PPFIA2: variants seen among roughly 807,000 people sequenced by gnomAD.
The protein encoded by PPFIA2 is liprin-alpha-2.
Under a neutral mutation model 175.5 loss-of-function variants are expected in PPFIA2, and 46 were observed. The ratio of observed to expected loss-of-function variants is 0.26; its 90% CI spans 0.21 to 0.34. The LOEUF is 0.34. PPFIA2 is among the 10% of genes least tolerant of loss of function. The pLI is 1.00. For synonymous variants in PPFIA2, 568 were observed against 511.4 expected (o/e 1.11, Z -1.49); for missense variants, 1,179 against 1,506.1 (o/e 0.78, Z 3.60).
At position 81,445,672 on chromosome 12, in the gene PPFIA2, G is replaced by C; in HGVS notation, c.454C>G (p.Leu152Val). Residue 152 changes from leucine (L) to valine (V), a missense_variant, in exon 6 of 33, where the codon CTA becomes GTA. Physicochemically the swap from Leu to Val is conservative, Grantham distance 32 (BLOSUM62 1). This residue lies in a region of PPFIA2 where 49 missense variants were observed against 108.9 expected (regional missense o/e 0.45). Transcript: ENST00000549396. The part of the protein sequence containing the change: ...ECLVSRHERS[L>V]RMTVVKRQAQ... ...TGCCGTTTTACCACCGTCATTCTTA[G>C]TGATCTTTCATGTCGTGACACAAGG... is the stretch of plus-strand genomic sequence containing the variant. 1 of 1,613,828 alleles carries C rather than the reference G, an allele frequency of 6.2e-7. No individual in the cohort carries two copies. The highest frequency in any genetic ancestry group is 1.1e-5 in the South Asian group (1 of 91,058).
At chr12:81,529,759 A>T (rs535069230) in intron 4 of PPFIA2, among the ~76,000 whole-genome samples, 2 of 152,056 alleles carry the variant, frequency 1.3e-5, no homozygotes, top group African/African-American at 4.8e-5. Flanking sequence ...GGTGCTAAAT[A>T]TGTTTTTTAC....
In PPFIA2 at chr12:81,385,502, T is replaced by C. The variant is rs1463535519; in HGVS notation, c.763-1258A>G. Among the ~76,000 whole-genome samples the C allele has an allele frequency of 2.0e-5, 3 of 152,138 alleles. 1 individual carries two copies. The highest frequency in any genetic ancestry group is 3.9e-4 in the East Asian group (2 of 5,180). On this transcript the variant is annotated intron_variant, in intron 8 of 32. Coordinates refer to ENST00000549396, the MANE Select transcript of PPFIA2 (RefSeq NM_003625.5). ...TGGATAAAAGCGAGTGTGGCATACA[T>C]ACACAATGAAATCCTATTCAGTTTC... is the stretch of plus-strand genomic sequence containing the variant.
chr12:81,429,379 T>C (rs2047705705), intron 7 of PPFIA2, among the ~76,000 whole-genome samples: 1 of 152,068 alleles, frequency 6.6e-6, no homozygotes, highest in Non-Finnish European at 1.5e-5. Flanking sequence ...TGGAGCTTTC[T>C]ACTCACAGAT....
chr12:81,595,981 C>T (rs1471561447), intron 4 of PPFIA2, among the ~76,000 whole-genome samples: 1 of 152,094 alleles, frequency 6.6e-6, no homozygotes, highest in Non-Finnish European at 1.5e-5. Context: ...ACATTTGCAC[C>T]ATTTCATAAT....
At chr12:81,454,255 A>G (rs2053192054) in intron 5 of PPFIA2, among the ~76,000 whole-genome samples, 1 of 152,066 alleles carries the variant, frequency 6.6e-6, no homozygotes, top group South Asian at 2.1e-4. Context: ...ATTTGAACAA[A>G]CTGTATTCTT....
intron 4 of PPFIA2, among the ~76,000 whole-genome samples, chr12:81,655,595 C>T (rs541352573): frequency 6.6e-6 from 1 of 151,852 alleles, no homozygotes; most frequent in East Asian, 1.9e-4. Flanking sequence ...AATTTTAGCA[C>T]TTTTTAGTTA....
At chr12:81,432,339 C>T (rs572005357) in intron 7 of PPFIA2, among the ~76,000 whole-genome samples, 12 of 152,166 alleles carry the variant, frequency 7.9e-5, no homozygotes, top group African/African-American at 2.2e-4. Flanking sequence ...TGAGTTCAAG[C>T]GACCCTCCTG....
At chr12:81,611,611 A>G (rs1235460384) in intron 4 of PPFIA2, among the ~76,000 whole-genome samples, 1 of 152,082 alleles carries the variant, frequency 6.6e-6, no homozygotes, top group African/African-American at 2.4e-5. Flanking sequence ...AGGGGACAGC[A>G]TGTGGAAGGG....
In PPFIA2 at chr12:81,304,729, C is replaced by T. The variant is rs112804135; in HGVS notation, c.2643-5347G>A. ...TGTGACTGGAGTGAATTGAAGGACA[C>T]GGGAGTTGGTGGTGGAGGAAGATGA... On this transcript the variant is annotated intron_variant, in intron 22 of 32. Transcript: ENST00000549396. Among the ~76,000 whole-genome samples, 388 of 151,844 alleles carry T rather than the reference C, an allele frequency of 2.6e-3. 1 individual carries two copies. Among genetic ancestry groups the T allele is most frequent in the African/African-American group, 8.6e-3 (356 of 41,396 alleles).
intron 4 of PPFIA2, among the ~76,000 whole-genome samples, chr12:81,645,510 A>G (rs2065938879): frequency 1.3e-5 from 2 of 152,244 alleles, no homozygotes; most frequent in African/African-American, 2.4e-5. Context: ...CTTCGGATGT[A>G]AAAAGTGTGA....
chr12:81,559,646 T>G (rs954816531), intron 4 of PPFIA2, among the ~76,000 whole-genome samples: 1 of 152,290 alleles, frequency 6.6e-6, no homozygotes, highest in Admixed American at 6.5e-5. Flanking sequence ...CAATTGCTAT[T>G]GTGTCAAGGA....
intron 4 of PPFIA2, among the ~76,000 whole-genome samples, chr12:81,463,988 C>A (rs2055120966): frequency 1.3e-5 from 2 of 152,198 alleles, no homozygotes; most frequent in South Asian, 2.1e-4. Flanking sequence ...TACATAAAAT[C>A]TAAAGCTCTT....
chr12:81,626,432 T>G (rs1183913815), intron 4 of PPFIA2, among the ~76,000 whole-genome samples: 1 of 151,994 alleles, frequency 6.6e-6, no homozygotes, highest in East Asian at 1.9e-4. Context: ...GATCCAATAT[T>G]ATTAAAACCT....
At chr12:81,591,226 G>T (rs1316284925) in intron 4 of PPFIA2, among the ~76,000 whole-genome samples, 1 of 152,186 alleles carries the variant, frequency 6.6e-6, no homozygotes, top group African/African-American at 2.4e-5. Context: ...ACTTGAGAGA[G>T]ATGATTTAGG....
chr12:81,737,559 C>T (rs2081770349), intron 3 of PPFIA2, among the ~76,000 whole-genome samples: 1 of 151,872 alleles, frequency 6.6e-6, no homozygotes, highest in African/African-American at 2.4e-5. Flanking sequence ...CATGATATAA[C>T]TTGACAAAAA....
At chr12:81,349,280 T>C (rs1195433054) in intron 17 of PPFIA2, among the ~76,000 whole-genome samples, 1 of 152,220 alleles carries the variant, frequency 6.6e-6, no homozygotes, top group Non-Finnish European at 1.5e-5. Flanking sequence ...GTGATTTTAA[T>C]AGGCTGTTTA....
At chr12:81,300,329 C>T (rs1039993540) in intron 22 of PPFIA2, among the ~76,000 whole-genome samples, 1 of 151,968 alleles carries the variant, frequency 6.6e-6, no homozygotes, top group African/African-American at 2.4e-5. Flanking sequence ...ATAATAATTG[C>T]TTTATTTTGA....
intron 22 of PPFIA2, among the ~76,000 whole-genome samples, chr12:81,310,513 A>G (rs1387057707): frequency 6.6e-6 from 1 of 152,140 alleles, no homozygotes; most frequent in African/African-American, 2.4e-5. Flanking sequence ...TTGTTTTTCA[A>G]TATTTAATTC....
chr12:81,671,425 T>C (rs1017322483), intron 4 of PPFIA2, among the ~76,000 whole-genome samples: 6 of 151,956 alleles, frequency 3.9e-5, no homozygotes, highest in Non-Finnish European at 7.4e-5. Flanking sequence ...CAGTTATTGT[T>C]ATAATCTAGG....
Sources: allele counts gnomAD v4.1 joint callset (sites outside exome capture counted in the v4.1 genomes callset), GRCh38; gene constraint gnomAD v4.1.1; regional missense constraint gnomAD v4.1.1; transcripts MANE v1.5; gene names NCBI Gene and HGNC (gene_info 2026-07-23, HGNC 2026-07-21).